RBFOX3: variants seen among roughly 807,000 people sequenced by gnomAD.
RBFOX3 encodes RNA binding fox-1 homolog 3.
In RBFOX3, 17 loss-of-function variants were observed where a neutral mutation model predicts 48.7. That is an observed-to-expected ratio of 0.35 (90% CI 0.24 to 0.52). RBFOX3 has a LOEUF of 0.52. RBFOX3 is among the 20% of genes least tolerant of loss of function. The pLI is 0.94. For synonymous variants in RBFOX3, 212 were observed against 209.5 expected (o/e 1.01, Z -0.10); for missense variants, 382 against 497.5 (o/e 0.77, Z 2.21).
chr17:79,502,384 G>GGA (rs1289559281), intron 1 of RBFOX3, among the ~76,000 whole-genome samples: 1 of 37,338 alleles, frequency 2.7e-5, no homozygotes, highest in Non-Finnish European at 8.6e-5. Context: ...GGTGTTTAAT[G>GGA]GAGACAGTTT....
chr17:79,652,264 T>A, the RBFOX3 span, among the ~76,000 whole-genome samples: 1 of 152,006 alleles, frequency 6.6e-6, no homozygotes, highest in African/African-American at 2.4e-5. Context: ...AGATACTACA[T>A]CCATGAAACA....
chr17:79,372,538 C>T (rs1423250125), intron 2 of RBFOX3, among the ~76,000 whole-genome samples: 3 of 151,976 alleles, frequency 2.0e-5, no homozygotes, highest in Non-Finnish European at 4.4e-5. Flanking sequence ...GCTCCCACCC[C>T]TGCGGGTCTT....
intron 1 of RBFOX3, among the ~76,000 whole-genome samples, chr17:79,593,168 G>A (rs1410389636): frequency 1.3e-5 from 2 of 152,198 alleles, no homozygotes; most frequent in South Asian, 2.1e-4. Context: ...CCCACTCTTG[G>A]CAGGCAGACA....
intron 2 of RBFOX3, among the ~76,000 whole-genome samples, chr17:79,422,800 C>G (rs1210564776): frequency 1.3e-5 from 2 of 152,130 alleles, no homozygotes; most frequent in African/African-American, 4.8e-5. Context: ...GGAGGTGGAG[C>G]CTATAAGTAG....
At chr17:79,236,282 T>C (rs1214600562) in intron 3 of RBFOX3, among the ~76,000 whole-genome samples, 1 of 152,132 alleles carries the variant, frequency 6.6e-6, no homozygotes, top group Non-Finnish European at 1.5e-5. Context: ...GGTCATGGCA[T>C]GCACATTCAT....
At chr17:79,375,056 G>T (rs943348115) in intron 2 of RBFOX3, among the ~76,000 whole-genome samples, 4 of 152,078 alleles carry the variant, frequency 2.6e-5, no homozygotes, top group Non-Finnish European at 5.9e-5. Flanking sequence ...GGTCCCCTGG[G>T]CTCGCCAAGA....
At chr17:79,168,616 GT>G (rs1345191192) in intron 4 of RBFOX3, among the ~76,000 whole-genome samples, 3 of 152,364 alleles carry the variant, frequency 2.0e-5, no homozygotes, top group East Asian at 3.9e-4. Flanking sequence ...CTGAGCAGGT[GT>G]GGGCGGCCTG....
chr17:79,552,437 A>C (rs1374349712), intron 1 of RBFOX3, among the ~76,000 whole-genome samples: 1 of 152,190 alleles, frequency 6.6e-6, no homozygotes, highest in Non-Finnish European at 1.5e-5. Flanking sequence ...CTCTCCCAGC[A>C]GCATAATTTG....
intron 2 of RBFOX3, among the ~76,000 whole-genome samples, chr17:79,412,846 G>A (rs997421569): frequency 6.6e-5 from 10 of 151,302 alleles, no homozygotes; most frequent in Admixed American, 2.0e-4. Context: ...GGCATGGTGC[G>A]TGTGTGTATG....
the RBFOX3 span, among the ~76,000 whole-genome samples, chr17:79,637,210 A>G: frequency 6.6e-6 from 1 of 152,326 alleles, no homozygotes; most frequent in African/African-American, 2.4e-5. Context: ...GTAGTAGGGG[A>G]CTTTAATATC....
At chr17:79,330,233 C>T (rs530317953) in intron 2 of RBFOX3, among the ~76,000 whole-genome samples, 16 of 152,350 alleles carry the variant, frequency 1.1e-4, no homozygotes, top group South Asian at 6.2e-4. Context: ...CCCTGACCCC[C>T]GGTAGAGTAG....
At chr17:79,235,993 G>A (rs993636469) in intron 3 of RBFOX3, among the ~76,000 whole-genome samples, 188 bp from the exon 4 acceptor site, 6 of 152,208 alleles carry the variant, frequency 3.9e-5, no homozygotes, top group African/African-American at 1.4e-4. Flanking sequence ...AAGCATGGCT[G>A]GGAGGCGGCG....
chr17:79,203,126 T>G (rs918348897), intron 4 of RBFOX3, among the ~76,000 whole-genome samples: 18 of 151,648 alleles, frequency 1.2e-4, no homozygotes, highest in African/African-American at 4.4e-4. Flanking sequence ...GCCTAGAAAG[T>G]GGCCCCTCGG....
At position 79,115,632 on chromosome 17, in the gene RBFOX3, G is replaced by A. The variant is rs769063798; in HGVS notation, c.84C>T (p.His28=). 3.5e-6 allele frequency: 5 copies of A among 1,444,370 alleles called. No individual in the cohort carries two copies. The highest frequency in any genetic ancestry group is 4.6e-6 in the Non-Finnish European group (5 of 1,098,302). 89.5% of individuals were successfully genotyped at this position (1,444,370 alleles called of 1,614,324 possible). Residue 28 remains histidine (H), a synonymous_variant, in exon 5 of 15, where the codon CAC becomes CAT. Transcript: ENST00000693108. The part of the protein sequence containing the change: ...IPAEYAPPPP[H]PTQDYSGQTP... ...TCTGGCCGGAGTAGTCCTGCGTGGG[G>A]TGCGGTGGGGGCGGGGCGTACTCGG...
chr17:79,376,411 C>G (rs920032699), intron 2 of RBFOX3, among the ~76,000 whole-genome samples: 1 of 152,110 alleles, frequency 6.6e-6, no homozygotes, highest in Non-Finnish European at 1.5e-5. Flanking sequence ...GCCAGGCACC[C>G]GCAGGACCCT....
intron 4 of RBFOX3, among the ~76,000 whole-genome samples, chr17:79,117,657 C>T (rs1476795744): frequency 1.3e-5 from 2 of 152,176 alleles, no homozygotes; most frequent in Admixed American, 1.3e-4. Context: ...GGCATGTCCA[C>T]CTCTGTCCTG....
At chr17:79,282,304 G>A (rs570253293) in intron 3 of RBFOX3, among the ~76,000 whole-genome samples, 7 of 152,330 alleles carry the variant, frequency 4.6e-5, no homozygotes, top group Admixed American at 1.3e-4. Flanking sequence ...AGGGAACCTC[G>A]CCCTGTTGGC....
chr17:79,438,255 G>A (rs537367051), intron 2 of RBFOX3, among the ~76,000 whole-genome samples: 80 of 152,320 alleles, frequency 5.3e-4, no homozygotes, highest in African/African-American at 1.7e-3. Flanking sequence ...TCCTAACCCT[G>A]CAGGCCCAGT....
chr17:79,548,181 G>A (rs1225527997), intron 1 of RBFOX3, among the ~76,000 whole-genome samples: 1 of 152,224 alleles, frequency 6.6e-6, no homozygotes, highest in Non-Finnish European at 1.5e-5. Flanking sequence ...GGTAGGGGCG[G>A]GCACAGCTCC....
Sources: gnomAD v4.1 joint callset for allele counts (sites outside exome capture counted in the v4.1 genomes callset) on GRCh38, gnomAD v4.1.1 for gene constraint, MANE v1.5 for transcripts, NCBI Gene and HGNC (gene_info 2026-07-23, HGNC 2026-07-21) for gene names.